NFIC: variants seen among roughly 807,000 people sequenced by gnomAD.
The protein encoded by NFIC is nuclear factor 1 C-type.
NFIC carries 12 observed loss-of-function variants against 54.4 expected under a neutral mutation model. The observed-to-expected ratio is 0.22, with a 90% CI of 0.14 to 0.36. The LOEUF is 0.36. Ranked by LOEUF, NFIC falls within the 10% of genes least tolerant of loss-of-function variation. The probability of loss-of-function intolerance (pLI) is 1.00; values close to 1 mark genes in which losing one functional copy is unlikely to be tolerated. For synonymous variants in NFIC, 322 were observed against 319.2 expected (o/e 1.01, Z -0.09); for missense variants, 575 against 718.2 (o/e 0.80, Z 2.28).
chr19:3,380,070 G>T (rs953647617), intron 1 of NFIC, among the ~76,000 whole-genome samples: 1 of 149,644 alleles, frequency 6.7e-6, no homozygotes, highest in Admixed American at 6.7e-5. Flanking sequence ...GCGCAATCTC[G>T]GCTCACTGCA....
At chr19:3,396,274 A>C (rs895173517) in intron 2 of NFIC, among the ~76,000 whole-genome samples, 1 of 151,646 alleles carries the variant, frequency 6.6e-6, no homozygotes, top group African/African-American at 2.4e-5. Flanking sequence ...GATCCAGACC[A>C]TCCTGGCTAA....
chr19:3,443,917 A>G (rs2082330751), intron 6 of NFIC, among the ~76,000 whole-genome samples: 1 of 152,134 alleles, frequency 6.6e-6, no homozygotes, highest in African/African-American at 2.4e-5. Context: ...CATCAGATTC[A>G]TGCCCTGCAT....
intron 7 of NFIC, among the ~76,000 whole-genome samples, chr19:3,450,975 C>T (rs1445039915): frequency 6.6e-6 from 1 of 152,216 alleles, no homozygotes; most frequent in Non-Finnish European, 1.5e-5. Flanking sequence ...GTAATTACAG[C>T]AGAGACCACG....
chr19:3,446,807 G>T (rs762866787), intron 6 of NFIC, among the ~76,000 whole-genome samples: 1 of 152,092 alleles, frequency 6.6e-6, no homozygotes, highest in Non-Finnish European at 1.5e-5. Context: ...CAAGGCAAGA[G>T]GATCCCTTGA....
In NFIC at chr19:3,434,306, T is replaced by C; in HGVS notation, c.739T>C (p.Phe247Leu). ...CGTGGTGACTGGAACAGGACCCAAC[T>C]TCTCCCTGGGGGAGCTGCAGGGGCA... ...TPVVTGTGPN[F>L]SLGELQGHLA... The change falls in exon 5 of 11, where the codon TTC becomes CTC. Residue 247 changes from phenylalanine to leucine, a missense_variant. Phe to Leu is a conservative substitution (Grantham distance 22). This residue lies in a region of NFIC where 447 missense variants were observed against 526.9 expected (regional missense o/e 0.85). Transcript: ENST00000443272. 1 of 1,612,942 alleles carries C rather than the reference T, an allele frequency of 6.2e-7. No homozygotes were observed. Among genetic ancestry groups the C allele is most frequent in the Non-Finnish European group, 8.5e-7 (1 of 1,179,872 alleles).
At chr19:3,439,308 G>A (rs1370037689) in intron 6 of NFIC, among the ~76,000 whole-genome samples, 3 of 115,830 alleles carry the variant, frequency 2.6e-5, no homozygotes, top group Non-Finnish European at 3.3e-5. Context: ...CACTCCATCC[G>A]GGGCAACAGA....
Position 3,383,194 on chromosome 19 carries a change from A to G in NFIC, c.562+951A>G, listed in dbSNP as rs77798016. 2.2e-3 allele frequency among the ~76,000 whole-genome samples: 328 copies of G among 151,686 alleles called. 2 individuals are homozygous for G. Among genetic ancestry groups the G allele is most frequent in the African/African-American group, 7.6e-3 (313 of 41,344 alleles). On this transcript the variant is annotated intron_variant, in intron 2 of 10. Coordinates refer to ENST00000443272, the MANE Select transcript of NFIC (RefSeq NM_001245002.2). The stretch of plus-strand genomic sequence containing the variant: ...TCTGTGAATGCTTGTTGGTTGATTG[A>G]CTCTCAGACCATGCCAGCAGAGGCC...
Position 3,466,173 on chromosome 19 carries a change from C to CGG in NFIC, c.*3405_*3406dup, listed in dbSNP as rs1330541998. 2.6e-5 allele frequency: 4 copies of CGG among 152,030 alleles called. No homozygotes were observed. The highest frequency in any genetic ancestry group is 1.3e-4 in the Admixed American group (2 of 15,270). 9.4% of individuals were successfully genotyped at this position (152,030 alleles called of 1,614,324 possible). Reference sequence around the variant, plus strand: ...TGGCACCGAGTCACAGGCTGTGGTCCGGTGGCTGAGCATGCTGTTGTCTTG... The same window carrying CGG: ...TGGCACCGAGTCACAGGCTGTGGTCCGGGGTGGCTGAGCATGCTGTTGTCTTG... On this transcript the variant is annotated 3_prime_UTR_variant, in exon 11 of 11. Coordinates refer to ENST00000443272, the MANE Select transcript of NFIC (RefSeq NM_001245002.2). The surrounding 1 kb of genome is among the most constrained non-coding windows in gnomAD (Gnocchi z 4.8).
intron 1 of NFIC, chr19:3,371,635 C>T (rs2081012581): frequency 6.6e-6 from 1 of 152,026 alleles, no homozygotes; most frequent in African/African-American, 2.4e-5. Context: ...AGTCCGACAC[C>T]TGGTATACAG....
Position 3,464,394 on chromosome 19 carries a change from C to T in NFIC, c.*1625C>T, listed in dbSNP as rs2082687577. 1 of 984,298 alleles carries T rather than the reference C, an allele frequency of 1.0e-6. No homozygotes were observed. Among genetic ancestry groups the T allele is most frequent in the Non-Finnish European group, 1.2e-6 (1 of 829,224 alleles). 61.0% of individuals were successfully genotyped at this position (984,298 alleles called of 1,614,324 possible). A position where few individuals can be genotyped will look rare whatever the true frequency, so the allele number is the denominator to read the frequency against. ...ACACTAAGCTGGGGACGCCAGGTGC[C>T]CCCCCACCCCGGCTCCCTGGCCCTA... On this transcript the variant is annotated 3_prime_UTR_variant, in exon 11 of 11. Coordinates refer to ENST00000443272, the MANE Select transcript of NFIC (RefSeq NM_001245002.2).
At chr19:3,364,228 G>A (rs938868032), upstream of NFIC, among the ~76,000 whole-genome samples, 1 of 151,708 alleles carries the variant, frequency 6.6e-6, no homozygotes, top group Non-Finnish European at 1.5e-5. Context: ...CCATCTTCCG[G>A]GCCCTCCACA....
In NFIC at chr19:3,366,605, C is replaced by G. The variant is rs781009266; in HGVS notation, c.-32C>G. The G allele has an allele frequency of 7.5e-5, 109 of 1,459,222 alleles. No homozygotes were observed. Among genetic ancestry groups the G allele is most frequent in the Non-Finnish European group, 9.8e-5 (107 of 1,092,520 alleles). 90.4% of individuals were successfully genotyped at this position (1,459,222 alleles called of 1,614,324 possible). On this transcript the variant is annotated 5_prime_UTR_variant, in exon 1 of 11. Transcript: ENST00000443272. ...CTCAGTAAGTTCAGCGCGCCCGCTC[C>G]GGCCGGCCCTGCGCCTCCCGCCGCG... is the stretch of plus-strand genomic sequence containing the variant.
chr19:3,367,657 G>T (rs561509908), intron 1 of NFIC, among the ~76,000 whole-genome samples: 153 of 152,350 alleles, frequency 1.0e-3, no homozygotes, highest in African/African-American at 3.5e-3. Context: ...TTTCTAGACC[G>T]CTGCTTTCCT....
intron 1 of NFIC, among the ~76,000 whole-genome samples, chr19:3,368,676 T>A (rs566629570): frequency 6.6e-6 from 1 of 152,072 alleles, no homozygotes; most frequent in African/African-American, 2.4e-5. Flanking sequence ...GGACCCCCTT[T>A]CCAGTTTGTC....
chr19:3,437,675 T>G (rs940496984), intron 6 of NFIC, among the ~76,000 whole-genome samples: 3 of 151,238 alleles, frequency 2.0e-5, no homozygotes, highest in Middle Eastern at 3.2e-3. Flanking sequence ...TCTGTTTCGT[T>G]TTTTTTGTTT....
intron 1 of NFIC, among the ~76,000 whole-genome samples, chr19:3,379,360 GT>G (rs980186931): frequency 3.6e-4 from 49 of 137,374 alleles, no homozygotes; most frequent in African/African-American, 4.0e-4. Flanking sequence ...GCCCAGCCGG[GT>G]TTTTTTTTTT....
At chr19:3,435,732 T>A (rs986515269) in intron 6 of NFIC, among the ~76,000 whole-genome samples, 3 of 152,136 alleles carry the variant, frequency 2.0e-5, no homozygotes, top group South Asian at 4.1e-4. Context: ...CTGTAGGGTC[T>A]CCATTCCCAT....
At chr19:3,426,783 A>G (rs1023223639) in intron 3 of NFIC, among the ~76,000 whole-genome samples, 9 of 152,104 alleles carry the variant, frequency 5.9e-5, no homozygotes, top group African/African-American at 1.9e-4. Flanking sequence ...GCCGCTGCAC[A>G]TTCTGTTACC....
intron 9 of NFIC, chr19:3,454,268 G>C (rs1422149264): frequency 2.7e-6 from 3 of 1,128,476 alleles, no homozygotes; most frequent in Non-Finnish European, 3.3e-6. Context: ...CCGAGGGCCA[G>C]ACTCGACCCC....
Sources: gnomAD v4.1 joint callset for allele counts (sites outside exome capture counted in the v4.1 genomes callset) on GRCh38, gnomAD v4.1.1 for gene constraint, gnomAD v4.1.1 regional missense constraint, Gnocchi (gnomAD v3.1) non-coding constraint, MANE v1.5 for transcripts, NCBI Gene and HGNC (gene_info 2026-07-23, HGNC 2026-07-21) for gene names.